The following TSACC variants were observed in gnomAD, a reference collection of about 807,000 sequenced individuals.
The protein encoded by TSACC is TSSK6-activating co-chaperone protein.
In TSACC, 3 loss-of-function variants were observed where a neutral mutation model predicts 6.9. That is an observed-to-expected ratio of 0.43 (90% CI 0.20 to 1.12). The LOEUF is 1.12. Among genes scored for constraint, TSACC ranks in the 50% most tolerant of loss-of-function variants. The pLI is 0.28. For synonymous variants in TSACC, 54 were observed against 55.1 expected (o/e 0.98, Z 0.09); for missense variants, 137 against 143.9 (o/e 0.95, Z 0.24).
In TSACC at chr1:156,338,564, A is replaced by G. The variant is rs1558278268; in HGVS notation, c.-166A>G. 2.9e-6 allele frequency: 1 copy of G among 345,984 alleles called. No homozygotes were observed. The highest frequency in any genetic ancestry group is 4.1e-5 in the South Asian group (1 of 24,558). The allele number at this position is 345,984 out of a possible 1,614,324, so 21.4% of individuals were successfully genotyped here. ...ACCACTACGCATGTGTGTCAACTCTAGGGTTGGGTGCTGGGGTTGCGGCTT... is the reference window on the plus strand; with the variant it reads ...ACCACTACGCATGTGTGTCAACTCTGGGGTTGGGTGCTGGGGTTGCGGCTT... On this transcript the variant is annotated 5_prime_UTR_variant, in exon 1 of 4. Transcript: ENST00000368254.
At chr1:156,338,450 C>G (rs1163923403), upstream of TSACC, 1 of 561,824 alleles carries the variant, frequency 1.8e-6, no homozygotes, top group African/African-American at 1.9e-5. Context: ...TGGGAGGGCA[C>G]AGGCGCTTGC....
intron 2 of TSACC, among the ~76,000 whole-genome samples, chr1:156,343,301 G>T (rs1249341617): frequency 6.6e-6 from 1 of 152,152 alleles, no homozygotes; most frequent in African/African-American, 2.4e-5. Flanking sequence ...GAGAGATGCT[G>T]AAATAGCTCA....
intron 2 of TSACC, among the ~76,000 whole-genome samples, chr1:156,344,051 T>C (rs1666036215): frequency 6.6e-6 from 1 of 152,158 alleles, no homozygotes; most frequent in Admixed American, 6.5e-5. Context: ...CTTCTCAAGT[T>C]TTTAAGGTTC....
chr1:156,338,233 A>C (rs1029928719), upstream of TSACC: 9 of 1,555,672 alleles, frequency 5.8e-6, no homozygotes, highest in Middle Eastern at 1.7e-4. Flanking sequence ...AACCGGCAGA[A>C]CCTTCTGGAG....
chr1:156,341,101 G>A (rs1355938017), intron 2 of TSACC, among the ~76,000 whole-genome samples: 1 of 152,228 alleles, frequency 6.6e-6, no homozygotes, highest in African/African-American at 2.4e-5. Flanking sequence ...ACAGGCGTGA[G>A]CCATCGCGCC....
chr1:156,342,802 G>A (rs1001111989), intron 2 of TSACC, among the ~76,000 whole-genome samples: 3 of 152,220 alleles, frequency 2.0e-5, no homozygotes, highest in Non-Finnish European at 2.9e-5. Context: ...TATCCACAGC[G>A]ATGACACATA....
intron 2 of TSACC, among the ~76,000 whole-genome samples, chr1:156,340,182 G>A (rs1665785132): frequency 6.6e-6 from 1 of 151,948 alleles, no homozygotes; most frequent in South Asian, 2.1e-4. Flanking sequence ...TTGTTTAGAC[G>A]GAGTCTCGCT....
intron 1 of TSACC, among the ~76,000 whole-genome samples, chr1:156,339,118 G>A (rs1665653918): frequency 6.6e-6 from 1 of 152,172 alleles, no homozygotes. Flanking sequence ...ACAAAAATTA[G>A]CCGGGCGTGG....
upstream of TSACC, chr1:156,338,210 C>G (rs1464708165): frequency 6.3e-7 from 1 of 1,581,120 alleles, no homozygotes; most frequent in Non-Finnish European, 8.6e-7. Context: ...AGCCGGGTAC[C>G]CAGAGCTGGG....
chr1:156,340,048 A>G (rs186084638), intron 2 of TSACC, among the ~76,000 whole-genome samples: 32 of 152,384 alleles, frequency 2.1e-4, no homozygotes, highest in African/African-American at 7.2e-4. Context: ...GTAGTGGGAC[A>G]GCCCCATTGG....
upstream of TSACC, chr1:156,337,785 C>A: frequency 3.3e-6 from 1 of 300,062 alleles, no homozygotes; most frequent in Non-Finnish European, 6.2e-6. Flanking sequence ...TAAAGCTAGA[C>A]CTAACTGAAA....
upstream of TSACC, chr1:156,338,282 T>A: frequency 1.6e-6 from 2 of 1,238,978 alleles, no homozygotes; most frequent in South Asian, 1.3e-5. Flanking sequence ...CGCTGCCTCC[T>A]CAGGGCTTAC....
chr1:156,339,262 CA>C (rs34441809), intron 1 of TSACC, among the ~76,000 whole-genome samples: 62,253 of 136,614 alleles, frequency 0.46, 14,202 homozygotes, highest in Admixed American at 0.59. Context: ...GACTCCATCT[CA>C]AAAAAAAAAA....
chr1:156,341,037 G>C (rs1363194960), intron 2 of TSACC, among the ~76,000 whole-genome samples: 1 of 151,936 alleles, frequency 6.6e-6, no homozygotes, highest in East Asian at 1.9e-4. Context: ...GCCAGGTCTT[G>C]AACTCCTGGC....
chr1:156,341,630 C>T (rs1665887767), intron 2 of TSACC, among the ~76,000 whole-genome samples: 1 of 152,250 alleles, frequency 6.6e-6, no homozygotes, highest in African/African-American at 2.4e-5. Context: ...CTCTGTTATA[C>T]ATTGTCAGAA....
chr1:156,340,458 C>CTTTT (rs1294722828), intron 2 of TSACC, among the ~76,000 whole-genome samples: 1 of 111,784 alleles, frequency 8.9e-6, no homozygotes, highest in Non-Finnish European at 1.8e-5. Flanking sequence ...CGCCCCCGGC[C>CTTTT]TTTTTTTTTT....
intron 1 of TSACC, among the ~76,000 whole-genome samples, chr1:156,339,349 T>TAG (rs1665679844): frequency 6.6e-6 from 1 of 152,012 alleles, no homozygotes; most frequent in Non-Finnish European, 1.5e-5. Flanking sequence ...GAGTCTTAGT[T>TAG]AGAGATGATG....
chr1:156,346,219 A>G (rs1281418791), intron 3 of TSACC, among the ~76,000 whole-genome samples: 1 of 151,382 alleles, frequency 6.6e-6, no homozygotes, highest in East Asian at 1.9e-4. Context: ...AAAGAAAAAG[A>G]AAAAAAACAA....
intron 1 of TSACC, 32 bp downstream of exon 1, chr1:156,338,637 G>C (rs1665589999): frequency 5.4e-6 from 1 of 184,028 alleles, no homozygotes; most frequent in African/African-American, 2.4e-5. Flanking sequence ...TTGCGACTCG[G>C]CTCCTATCGG....
Sources: allele counts gnomAD v4.1 joint callset (sites outside exome capture counted in the v4.1 genomes callset), GRCh38; gene constraint gnomAD v4.1.1; transcripts MANE v1.5; gene names NCBI Gene and HGNC (gene_info 2026-07-23, HGNC 2026-07-21).